Variants in CCDC192 observed in about 807,000 individuals in gnomAD.
CCDC192 encodes coiled-coil domain containing 192, also known as coiled-coil domain-containing protein 192.
rs895059068 is a variant in CCDC192 at position 127,799,620 on chromosome 5, C to T, written c.411+1458C>T. Among the ~76,000 whole-genome samples, 10 of 152,262 alleles carry T rather than the reference C, an allele frequency of 6.6e-5. No homozygotes were observed. The South Asian group carries it at 2.1e-3, about 32-fold the overall frequency. On this transcript the variant is annotated intron_variant, in intron 5 of 6. Coordinates refer to ENST00000514853, the MANE Select transcript of CCDC192 (RefSeq NM_001317938.2). ...GTATTCACTAAAGCTCAGATATTAGCTTCCAGCATCTCTTTGTGAAAAACA... is the reference window on the plus strand; with the variant it reads ...GTATTCACTAAAGCTCAGATATTAGTTTCCAGCATCTCTTTGTGAAAAACA...
intron 4 of CCDC192, among the ~76,000 whole-genome samples, chr5:127,797,510 T>G (rs1460358094): frequency 6.6e-6 from 1 of 151,836 alleles, no homozygotes; most frequent in Admixed American, 6.6e-5. Flanking sequence ...TGGTATTGAC[T>G]GTACAAATGT....
At chr5:127,705,325 C>G (rs1750903221) in intron 1 of CCDC192, among the ~76,000 whole-genome samples, 1 of 152,122 alleles carries the variant, frequency 6.6e-6, no homozygotes, top group African/African-American at 2.4e-5. Flanking sequence ...AGTTTTGTTT[C>G]AGGCATTATT....
chr5:127,745,432 G>A (rs985781049), intron 2 of CCDC192, among the ~76,000 whole-genome samples: 9 of 152,174 alleles, frequency 5.9e-5, no homozygotes, highest in African/African-American at 2.2e-4. Flanking sequence ...GATTTGTTCA[G>A]TTAGTAAACT....
chr5:127,738,165 T>A (rs944510305), intron 2 of CCDC192, among the ~76,000 whole-genome samples: 1 of 151,650 alleles, frequency 6.6e-6, no homozygotes, highest in African/African-American at 2.4e-5. Context: ...GTCTGTAAAG[T>A]ATTTTATTTC....
intron 3 of CCDC192, among the ~76,000 whole-genome samples, chr5:127,775,920 G>A (rs1755831208): frequency 6.6e-6 from 1 of 152,156 alleles, no homozygotes; most frequent in African/African-American, 2.4e-5. Context: ...CCACGATTGT[G>A]AGGCCTCCCC....
chr5:127,778,455 G>C (rs1224871652), intron 3 of CCDC192, among the ~76,000 whole-genome samples: 1 of 152,142 alleles, frequency 6.6e-6, no homozygotes, highest in Non-Finnish European at 1.5e-5. Flanking sequence ...GTACATCTGA[G>C]ATTAATCCCA....
chr5:127,720,476 T>A (rs1751955667), intron 2 of CCDC192, among the ~76,000 whole-genome samples: 1 of 152,358 alleles, frequency 6.6e-6, no homozygotes, highest in South Asian at 2.1e-4. Context: ...GGGCTGGCAT[T>A]GAGTGTGCCT....
intron 5 of CCDC192, among the ~76,000 whole-genome samples, chr5:127,836,983 A>ATGGT (rs1750060813): frequency 1.2e-5 from 1 of 81,670 alleles, no homozygotes; most frequent in Non-Finnish European, 2.9e-5. Context: ...TTTCTACTAT[A>ATGGT]TGGTCATGCT....
intron 5 of CCDC192, among the ~76,000 whole-genome samples, chr5:127,836,037 C>A (rs1307872596): frequency 6.6e-6 from 1 of 152,162 alleles, no homozygotes; most frequent in Non-Finnish European, 1.5e-5. Context: ...AAGGCAAGTC[C>A]CTTATGCCTA....
In CCDC192 at chr5:127,823,760, C is replaced by A. The variant is rs116457268; in HGVS notation, c.411+25598C>A. ...TCCTTCTTGTAGGCCTCAAAGAGGT[C>A]AAAGGATTTTCCTTAGTGCCTCTCT... On this transcript the variant is annotated intron_variant, in intron 5 of 6. Transcript: ENST00000514853. Among the ~76,000 whole-genome samples, 691 of 152,300 alleles carry A rather than the reference C, an allele frequency of 4.5e-3. 2 individuals carry two copies. The highest frequency in any genetic ancestry group is 7.5e-3 in the Non-Finnish European group (513 of 68,016).
chr5:127,829,225 A>G (rs958031413), intron 5 of CCDC192, among the ~76,000 whole-genome samples: 5 of 152,196 alleles, frequency 3.3e-5, no homozygotes, highest in Non-Finnish European at 5.9e-5. Context: ...GCCTTTTGGA[A>G]TATCTAAGTA....
intron 6 of CCDC192, among the ~76,000 whole-genome samples, chr5:127,935,056 GC>G (rs1754150372): frequency 6.6e-6 from 1 of 152,176 alleles, no homozygotes; most frequent in South Asian, 2.1e-4. Flanking sequence ...ATACTTGGCA[GC>G]CTTAGTCATT....
At chr5:127,911,963 C>T (rs920023736) in intron 6 of CCDC192, among the ~76,000 whole-genome samples, 2 of 151,964 alleles carry the variant, frequency 1.3e-5, no homozygotes, top group African/African-American at 4.8e-5. Context: ...GCTCTGTCGC[C>T]CAGGCTGGAG....
chr5:127,816,949 T>C lies in CCDC192; in HGVS notation c.411+18787T>C, dbSNP rs138055502. Among the ~76,000 whole-genome samples the C allele has an allele frequency of 3.2e-4, 49 of 152,346 alleles. No homozygotes were observed. In the East Asian group the frequency reaches 6.7e-3, roughly 21 times the overall value. ...ATATTAGAGTTCTTAATGATTGACTTATTCCATGCTATTTGTTTCTTTAAA... is the reference window on the plus strand; with the variant it reads ...ATATTAGAGTTCTTAATGATTGACTCATTCCATGCTATTTGTTTCTTTAAA... On this transcript the variant is annotated intron_variant, in intron 5 of 6. Coordinates refer to ENST00000514853, the MANE Select transcript of CCDC192 (RefSeq NM_001317938.2).
intron 2 of CCDC192, among the ~76,000 whole-genome samples, chr5:127,752,729 G>A (rs1345936736): frequency 6.6e-6 from 1 of 152,210 alleles, no homozygotes; most frequent in Non-Finnish European, 1.5e-5. Flanking sequence ...CCGCCTTGCA[G>A]TTTGATCTCA....
chr5:127,894,196 T>C (rs1752808960), intron 6 of CCDC192, among the ~76,000 whole-genome samples: 1 of 146,406 alleles, frequency 6.8e-6, no homozygotes, highest in Non-Finnish European at 1.5e-5. Flanking sequence ...AATTTTTTTT[T>C]TTTTTTTTTT....
At chr5:127,765,570 A>G (rs374711230) in intron 3 of CCDC192, among the ~76,000 whole-genome samples, 7 of 152,342 alleles carry the variant, frequency 4.6e-5, no homozygotes, top group African/African-American at 1.7e-4. Context: ...TGAGCATCAA[A>G]AGTTTACAAA....
intron 2 of CCDC192, among the ~76,000 whole-genome samples, chr5:127,708,134 A>G (rs968870357): frequency 1.3e-5 from 2 of 152,204 alleles, no homozygotes; most frequent in African/African-American, 4.8e-5. Flanking sequence ...CACACGAATG[A>G]TATACATTGG....
intron 6 of CCDC192, among the ~76,000 whole-genome samples, chr5:127,928,263 C>G (rs913461168): frequency 9.8e-5 from 15 of 152,298 alleles, no homozygotes; most frequent in Admixed American, 1.3e-4. Flanking sequence ...AAAAGTCCAA[C>G]AGGTGTCACC....
Sources: allele counts gnomAD v4.1 joint callset (sites outside exome capture counted in the v4.1 genomes callset), GRCh38; gene constraint gnomAD v4.1.1; transcripts MANE v1.5; gene names NCBI Gene and HGNC (gene_info 2026-07-23, HGNC 2026-07-21).